IGF2BP2: variants seen among roughly 807,000 people sequenced by gnomAD.
The protein encoded by IGF2BP2 is insulin-like growth factor 2 mRNA-binding protein 2.
In IGF2BP2, 17 loss-of-function variants were observed where a neutral mutation model predicts 75.8. The ratio of observed to expected loss-of-function variants is 0.22; its 90% CI spans 0.15 to 0.34. The LOEUF (loss-of-function observed/expected upper bound fraction) is 0.34. IGF2BP2 is among the 10% of genes least tolerant of loss of function. The probability of loss-of-function intolerance (pLI) is 1.00; values close to 1 mark genes in which losing one functional copy is unlikely to be tolerated. For missense variants in IGF2BP2, 516 were observed against 772.4 expected (o/e 0.67, Z 3.93); for synonymous variants, 288 against 295.6 (o/e 0.97, Z 0.26).
chr3:185,795,388 G>C (rs1480577185), intron 2 of IGF2BP2, among the ~76,000 whole-genome samples: 1 of 152,146 alleles, frequency 6.6e-6, no homozygotes, highest in Non-Finnish European at 1.5e-5. Context: ...GGACACTCGG[G>C]CCACTTCCAC....
intron 7 of IGF2BP2, among the ~76,000 whole-genome samples, chr3:185,683,818 T>A (rs1275569569): frequency 1.3e-5 from 2 of 152,182 alleles, no homozygotes; most frequent in Non-Finnish European, 1.5e-5. Flanking sequence ...AACTTTTTTG[T>A]GGGAATGCAC....
chr3:185,665,512 G>A lies in IGF2BP2; in HGVS notation c.1200+7029C>T, dbSNP rs1278273604. Reference sequence around the variant, plus strand: ...GGAGAAGGAGGAGGAGAAGGAGGAGGAGGAGAAGGAGGAGGAGGAGAAGGA... The same window carrying A: ...GGAGAAGGAGGAGGAGAAGGAGGAGAAGGAGAAGGAGGAGGAGGAGAAGGA... On this transcript the variant is annotated intron_variant, in intron 10 of 15. Coordinates refer to ENST00000382199, the MANE Select transcript of IGF2BP2 (RefSeq NM_006548.6). Among the ~76,000 whole-genome samples, 224 of 124,008 alleles carry A rather than the reference G, an allele frequency of 1.8e-3. 5 individuals carry two copies. Among genetic ancestry groups the A allele is most frequent in the African/African-American group, 5.2e-3 (173 of 33,406 alleles). The allele number at this position is 124,008 out of a possible 152,430, so 81.4% of individuals were successfully genotyped here.
At chr3:185,775,738 G>A (rs181357236) in intron 2 of IGF2BP2, among the ~76,000 whole-genome samples, 1 of 152,294 alleles carries the variant, frequency 6.6e-6, no homozygotes, top group Non-Finnish European at 1.5e-5. Flanking sequence ...GACAAAGGAT[G>A]GGCTGGGTTA....
intron 2 of IGF2BP2, among the ~76,000 whole-genome samples, chr3:185,736,665 C>G (rs1234910371): frequency 1.3e-5 from 2 of 152,214 alleles, no homozygotes; most frequent in Non-Finnish European, 2.9e-5. Flanking sequence ...AAATTCCCAG[C>G]AGGGGACACC....
chr3:185,696,399 C>A lies in IGF2BP2; in HGVS notation c.340+213G>T, dbSNP rs77524931. On this transcript the variant is annotated intron_variant, in intron 4 of 15. Coordinates refer to ENST00000382199, the MANE Select transcript of IGF2BP2 (RefSeq NM_006548.6). ...GAAACAGCTTGTAAATAATATTCCTCGAAAAGGCAAACTACATAGACATAC... is the reference window on the plus strand; with the variant it reads ...GAAACAGCTTGTAAATAATATTCCTAGAAAAGGCAAACTACATAGACATAC... The A allele has an allele frequency of 9.8e-4, 540 of 550,070 alleles. 1 individual carries two copies. Among genetic ancestry groups the A allele is most frequent in the African/African-American group, 9.2e-3 (488 of 53,274 alleles). 34.1% of individuals were successfully genotyped at this position (550,070 alleles called of 1,614,324 possible).
chr3:185,682,092 C>T (rs1720476810), intron 7 of IGF2BP2, among the ~76,000 whole-genome samples: 2 of 152,156 alleles, frequency 1.3e-5, no homozygotes, highest in African/African-American at 4.8e-5. Context: ...TTTTGTGCAT[C>T]AAAGGATATA....
intron 2 of IGF2BP2, among the ~76,000 whole-genome samples, chr3:185,731,956 T>A (rs1339566314): frequency 2.0e-5 from 3 of 151,634 alleles, no homozygotes; most frequent in African/African-American, 7.3e-5. Flanking sequence ...CACTCCAGCC[T>A]GGGCGACAGA....
At chr3:185,649,844 T>A (rs796528433) in intron 13 of IGF2BP2, among the ~76,000 whole-genome samples, 1 of 152,238 alleles carries the variant, frequency 6.6e-6, no homozygotes, top group African/African-American at 2.4e-5. Flanking sequence ...GATGCAACTC[T>A]ATGTCTTATT....
chr3:185,809,080 A>C (rs1739444485), intron 2 of IGF2BP2, among the ~76,000 whole-genome samples: 1 of 151,682 alleles, frequency 6.6e-6, no homozygotes, highest in Admixed American at 6.6e-5. Flanking sequence ...CAATAAGCGA[A>C]TAGCTAGTTG....
Position 185,794,335 on chromosome 3 carries a change from G to GC in IGF2BP2, c.239+28817dup, listed in dbSNP as rs1737054427. Among the ~76,000 whole-genome samples the GC allele has an allele frequency of 3.4e-5, 3 of 89,324 alleles. 1 individual carries two copies. The highest frequency in any genetic ancestry group is 5.4e-5 in the African/African-American group (1 of 18,398). 58.6% of individuals were successfully genotyped at this position (89,324 alleles called of 152,430 possible). On this transcript the variant is annotated intron_variant, in intron 2 of 15. Transcript: ENST00000382199. ...TGTCTGGCTCCTTATCCTCACACAGGCAGTTGTTCCTAAATATTTCTTTGC... is the reference window on the plus strand; with the variant it reads ...TGTCTGGCTCCTTATCCTCACACAGGCCAGTTGTTCCTAAATATTTCTTTGC...
chr3:185,820,968 G>T, intron 2 of IGF2BP2: 1 of 1,522,710 alleles, frequency 6.6e-7, no homozygotes, highest in Non-Finnish European at 8.8e-7. Flanking sequence ...CACCAAAATA[G>T]TCTCCATATA....
chr3:185,748,380 T>C (rs1730543507), intron 2 of IGF2BP2, among the ~76,000 whole-genome samples: 1 of 152,224 alleles, frequency 6.6e-6, no homozygotes, highest in Non-Finnish European at 1.5e-5. Context: ...AAGTAGCAAC[T>C]GGAAAATAGA....
chr3:185,761,116 T>A (rs1732301131), intron 2 of IGF2BP2, among the ~76,000 whole-genome samples: 1 of 152,182 alleles, frequency 6.6e-6, no homozygotes, highest in Non-Finnish European at 1.5e-5. Flanking sequence ...TGATTATGAT[T>A]ATTTCTGATG....
chr3:185,790,139 T>A (rs1191280079), intron 2 of IGF2BP2, among the ~76,000 whole-genome samples: 1 of 152,186 alleles, frequency 6.6e-6, no homozygotes, highest in East Asian at 1.9e-4. Context: ...CAGCTCACCC[T>A]GGACTGCTTC....
chr3:185,817,844 G>A (rs905108597), intron 2 of IGF2BP2, among the ~76,000 whole-genome samples: 1 of 152,084 alleles, frequency 6.6e-6, no homozygotes, highest in Non-Finnish European at 1.5e-5. Flanking sequence ...AATAAATTCT[G>A]GGGGCATGTT....
intron 2 of IGF2BP2, among the ~76,000 whole-genome samples, chr3:185,744,566 A>G (rs1296990843): frequency 6.6e-6 from 1 of 152,174 alleles, no homozygotes; most frequent in African/African-American, 2.4e-5. Flanking sequence ...CCAGTACTGT[A>G]GGAGGCCAAG....
At chr3:185,688,618 C>T (rs914932766) in intron 6 of IGF2BP2, among the ~76,000 whole-genome samples, 16 of 152,216 alleles carry the variant, frequency 1.1e-4, no homozygotes, top group Non-Finnish European at 1.9e-4. Flanking sequence ...GCTGGGATTA[C>T]AGGGATGAGT....
rs763456708 is a variant in IGF2BP2 at position 185,652,242 on chromosome 3, G to A, written c.1387-74C>T. On this transcript the variant is annotated intron_variant, in intron 12 of 15. Transcript: ENST00000382199. Reference sequence around the variant, plus strand: ...GCCCCTCTTTCTTGTCTAAGTGGACGGCAAGCATACCAGCAGGAGGTTCCA... The same window carrying A: ...GCCCCTCTTTCTTGTCTAAGTGGACAGCAAGCATACCAGCAGGAGGTTCCA... 3.1e-4 allele frequency: 396 copies of A among 1,282,270 alleles called. 4 individuals carry two copies. In the East Asian group the frequency reaches 8.3e-3, roughly 27 times the overall value. The allele number at this position is 1,282,270 out of a possible 1,614,324, so 79.4% of individuals were successfully genotyped here. A position where few individuals can be genotyped will look rare whatever the true frequency, so the allele number is the denominator to read the frequency against.
At chr3:185,823,408 G>A (rs957763310) in intron 1 of IGF2BP2, 195 bp from the exon 2 acceptor site, 1 of 483,374 alleles carries the variant, frequency 2.1e-6, no homozygotes, top group African/African-American at 2.0e-5. Context: ...GGGACAAGGC[G>A]AGGAGGGTGC....
Sources: gnomAD v4.1 joint callset for allele counts (sites outside exome capture counted in the v4.1 genomes callset) on GRCh38, gnomAD v4.1.1 for gene constraint, MANE v1.5 for transcripts, NCBI Gene and HGNC (gene_info 2026-07-23, HGNC 2026-07-21) for gene names.